The following TTC28 variants were observed in gnomAD, a reference collection of about 807,000 sequenced individuals.
TTC28 encodes tetratricopeptide repeat domain 28, also known as tetratricopeptide repeat protein 28.
TTC28 carries 61 observed loss-of-function variants against 198.0 expected under a neutral mutation model. The ratio of observed to expected loss-of-function variants is 0.31; its 90% CI spans 0.25 to 0.38. The LOEUF is 0.38. Ranked by LOEUF, TTC28 falls within the 10% of genes least tolerant of loss-of-function variation. The pLI is 1.00. For synonymous variants in TTC28, 1,171 were observed against 1,297.8 expected (o/e 0.90, Z 2.10); for missense variants, 2,678 against 3,164.0 (o/e 0.85, Z 3.69).
chr22:28,353,913 C>T (rs1189241801), intron 2 of TTC28, among the ~76,000 whole-genome samples: 2 of 152,100 alleles, frequency 1.3e-5, no homozygotes, highest in Non-Finnish European at 2.9e-5. Context: ...AAATGACTAA[C>T]AAGCAAATGA....
chr22:28,084,304 G>T (rs555694867), intron 12 of TTC28, among the ~76,000 whole-genome samples: 1 of 152,300 alleles, frequency 6.6e-6, no homozygotes, highest in Non-Finnish European at 1.5e-5. Context: ...GTACTCCTCT[G>T]AGACAAAACT....
At chr22:28,163,622 G>C (rs764859690) in intron 5 of TTC28, 23 bp from the exon 6 acceptor site, 4 of 1,493,160 alleles carry the variant, frequency 2.7e-6, no homozygotes, top group Non-Finnish European at 3.6e-6. Context: ...GGATAAAGTG[G>C]AGAAATGAAA....
chr22:28,358,596 A>C (rs1464111945), intron 2 of TTC28, among the ~76,000 whole-genome samples: 2 of 152,214 alleles, frequency 1.3e-5, no homozygotes, highest in South Asian at 2.1e-4. Flanking sequence ...TGGTATGCTA[A>C]TAGTCCCACA....
At chr22:28,127,226 A>G (rs533458088) in intron 6 of TTC28, among the ~76,000 whole-genome samples, 1 of 152,340 alleles carries the variant, frequency 6.6e-6, no homozygotes, top group East Asian at 1.9e-4. Flanking sequence ...GCTTTTCTGT[A>G]CACTAGGCTA....
chr22:28,435,605 T>C (rs1028277358), intron 2 of TTC28, among the ~76,000 whole-genome samples: 1 of 152,190 alleles, frequency 6.6e-6, no homozygotes, highest in Non-Finnish European at 1.5e-5. Flanking sequence ...AAAATGAAGG[T>C]GGCTGCTGGC....
At chr22:28,653,469 C>T (rs1224165605) in intron 1 of TTC28, among the ~76,000 whole-genome samples, 1 of 151,670 alleles carries the variant, frequency 6.6e-6, no homozygotes, top group Non-Finnish European at 1.5e-5. Context: ...TGCCACTGCA[C>T]TCCAGCCTGG....
intron 2 of TTC28, among the ~76,000 whole-genome samples, chr22:28,561,746 C>A (rs2049885057): frequency 6.6e-6 from 1 of 152,142 alleles, no homozygotes; most frequent in South Asian, 2.1e-4. Flanking sequence ...ATATCCTTTC[C>A]TCCTCATACT....
At chr22:28,630,432 G>A (rs1388124815) in intron 1 of TTC28, among the ~76,000 whole-genome samples, 3 of 152,148 alleles carry the variant, frequency 2.0e-5, no homozygotes. Flanking sequence ...TGAGTAGTTG[G>A]AAGCAGAGGC....
chr22:28,034,738 C>T (rs935770226), intron 12 of TTC28, among the ~76,000 whole-genome samples: 1 of 152,166 alleles, frequency 6.6e-6, no homozygotes, highest in Non-Finnish European at 1.5e-5. Context: ...GCAAGGTATA[C>T]CTCCTGGCGA....
chr22:28,307,672 AATAC>A (rs1268970441), intron 2 of TTC28, among the ~76,000 whole-genome samples: 1 of 152,210 alleles, frequency 6.6e-6, no homozygotes, highest in Non-Finnish European at 1.5e-5. Context: ...CTAATTAAAT[AATAC>A]ATACAAATAA....
intron 6 of TTC28, among the ~76,000 whole-genome samples, chr22:28,135,758 G>A (rs1943184122): frequency 6.6e-6 from 1 of 152,102 alleles, no homozygotes; most frequent in Non-Finnish European, 1.5e-5. Context: ...AGAAAACACA[G>A]GGAATTCACA....
intron 3 of TTC28, among the ~76,000 whole-genome samples, chr22:28,305,080 T>G (rs912759917): frequency 6.6e-6 from 1 of 151,972 alleles, no homozygotes; most frequent in Non-Finnish European, 1.5e-5. Context: ...CCTCCCCGCC[T>G]CCCAGGTTCA....
At chr22:28,497,751 C>A (rs1250593765) in intron 2 of TTC28, among the ~76,000 whole-genome samples, 4 of 152,028 alleles carry the variant, frequency 2.6e-5, no homozygotes, top group Admixed American at 2.6e-4. Flanking sequence ...TAGATAACTG[C>A]TAAAACTGAA....
Position 27,993,419 on chromosome 22 carries a change from G to T in TTC28, c.5344C>A (p.Gln1782Lys). 6.4e-7 allele frequency: 1 copy of T among 1,551,464 alleles called. No homozygotes were observed. Among genetic ancestry groups the T allele is most frequent in the Non-Finnish European group, 8.7e-7 (1 of 1,147,000 alleles). ...AAGCCCACAGCGGTGAGGAGGGCCT[G>T]CCAGCCAGGGATGCCGCCCACTTTG... is the stretch of plus-strand genomic sequence containing the variant. ...ENKVGGIPGW[Q>K]ALLTAVGFRL... Residue 1782 changes from glutamine to lysine, a missense_variant, in exon 18 of 23, where the codon CAG (glutamine) becomes AAG (lysine). By Grantham distance (53) the Gln-to-Lys change is moderately conservative. Coordinates refer to ENST00000397906, the MANE Select transcript of TTC28 (RefSeq NM_001145418.2).
intron 10 of TTC28, 36 bp downstream of exon 10, chr22:28,098,879 C>T (rs1405157190): frequency 1.9e-6 from 3 of 1,548,896 alleles, no homozygotes; most frequent in Admixed American, 2.0e-5. Context: ...CGCACTAGTG[C>T]ACACGTAAGC....
chr22:28,521,548 A>T (rs2048909793), intron 2 of TTC28, among the ~76,000 whole-genome samples: 1 of 152,218 alleles, frequency 6.6e-6, no homozygotes, highest in Admixed American at 6.5e-5. Flanking sequence ...CTCTTGGGGC[A>T]TTGCTGATTC....
intron 2 of TTC28, among the ~76,000 whole-genome samples, chr22:28,510,499 G>C (rs915117185): frequency 1.3e-5 from 2 of 152,018 alleles, no homozygotes; most frequent in Non-Finnish European, 2.9e-5. Context: ...CAATAAACTA[G>C]GTATTAAAGG....
intron 1 of TTC28, among the ~76,000 whole-genome samples, chr22:28,661,442 C>T (rs2051745849): frequency 6.6e-6 from 1 of 152,064 alleles, no homozygotes; most frequent in Non-Finnish European, 1.5e-5. Flanking sequence ...TTTTTAGAGA[C>T]TGGGTTTCAT....
intron 5 of TTC28, among the ~76,000 whole-genome samples, chr22:28,283,078 T>C (rs1415963924): frequency 3.3e-5 from 5 of 152,080 alleles, no homozygotes; most frequent in Non-Finnish European, 7.4e-5. Flanking sequence ...CTGTCTCCAT[T>C]CTTCGCAAGC....
Sources: allele counts gnomAD v4.1 joint callset (sites outside exome capture counted in the v4.1 genomes callset), GRCh38; gene constraint gnomAD v4.1.1; transcripts MANE v1.5; gene names NCBI Gene and HGNC (gene_info 2026-07-23, HGNC 2026-07-21).